Variants in INSL6 observed in about 807,000 individuals in gnomAD.
INSL6 encodes the protein insulin-like peptide INSL6.
INSL6 carries 16 observed loss-of-function variants against 9.4 expected under a neutral mutation model. That is an observed-to-expected ratio of 1.70 (90% CI 1.15 to 2.59). INSL6 has a LOEUF of 2.59. Ranked by LOEUF, INSL6 falls within the 30% of genes most tolerant of loss-of-function variation. The probability of loss-of-function intolerance (pLI) is 0.00; values close to 1 mark genes in which losing one functional copy is unlikely to be tolerated. For missense variants in INSL6, 391 were observed against 257.3 expected (o/e 1.52, Z -3.56); for synonymous variants, 154 against 96.9 (o/e 1.59, Z -3.46).
the INSL6 span, chr9:5,097,529 T>G: frequency 6.6e-6 from 1 of 152,282 alleles, no homozygotes; most frequent in Non-Finnish European, 1.5e-5. Context: ...GCACACCATA[T>G]ATTTACAGTA....
the INSL6 span, among the ~76,000 whole-genome samples, chr9:5,093,900 T>A: frequency 6.6e-6 from 1 of 152,162 alleles, no homozygotes; most frequent in African/African-American, 2.4e-5. Context: ...GGTTTCTATC[T>A]GTTTAACATT....
the INSL6 span, among the ~76,000 whole-genome samples, chr9:5,009,178 T>C: frequency 2.0e-5 from 3 of 152,182 alleles, no homozygotes; most frequent in African/African-American, 7.2e-5. Flanking sequence ...ATGAGCAAAT[T>C]GGGTGGTCCG....
At chr9:5,152,544 A>T (rs920433202) in intron 2 of INSL6, among the ~76,000 whole-genome samples, 1 of 152,224 alleles carries the variant, frequency 6.6e-6, no homozygotes, top group Non-Finnish European at 1.5e-5. Flanking sequence ...CTGTGAGTAC[A>T]GTGAAATTTA....
chr9:5,111,568 C>G, the INSL6 span: 1 of 364,544 alleles, frequency 2.7e-6, no homozygotes, highest in Admixed American at 3.7e-5. Context: ...CAGATGGCAG[C>G]CTGCACCCCT....
chr9:5,044,425 T>C, the INSL6 span: 1 of 1,611,966 alleles, frequency 6.2e-7, no homozygotes, highest in Non-Finnish European at 8.5e-7. Flanking sequence ...TCGTTGGTAT[T>C]GCAGTGGCAG....
the INSL6 span, among the ~76,000 whole-genome samples, chr9:5,019,957 C>G: frequency 3.3e-5 from 5 of 152,128 alleles, no homozygotes; most frequent in African/African-American, 4.8e-5. Flanking sequence ...TACATTAGCC[C>G]CAGGGTGGCT....
the INSL6 span, among the ~76,000 whole-genome samples, chr9:5,117,005 T>A: frequency 6.6e-6 from 1 of 152,226 alleles, no homozygotes; most frequent in Non-Finnish European, 1.5e-5. Context: ...ATGAATGGGA[T>A]TAAGGCCCTT....
the INSL6 span, among the ~76,000 whole-genome samples, chr9:5,015,017 A>T: frequency 1.3e-3 from 202 of 152,266 alleles, 1 homozygote; most frequent in African/African-American, 4.0e-3. Flanking sequence ...TGAAATTTAG[A>T]AAAACGGTAT....
chr9:5,109,733 T>A, the INSL6 span: 1 of 152,286 alleles, frequency 6.6e-6, no homozygotes, highest in East Asian at 1.9e-4. Context: ...TTAGACTACT[T>A]CTCCATAATA....
the INSL6 span, among the ~76,000 whole-genome samples, chr9:5,047,403 C>T: frequency 6.6e-6 from 1 of 152,174 alleles, no homozygotes; most frequent in African/African-American, 2.4e-5. Flanking sequence ...CTTTTAAATT[C>T]AGTTTCCTCT....
intron 2 of INSL6, among the ~76,000 whole-genome samples, chr9:5,137,311 A>T (rs1824404168): frequency 6.6e-6 from 1 of 152,220 alleles, no homozygotes; most frequent in South Asian, 2.1e-4. Context: ...CTGCATAGCC[A>T]AGACAATCCT....
At chr9:5,162,191 C>G (rs954619232), downstream of INSL6, among the ~76,000 whole-genome samples, 2 of 151,942 alleles carry the variant, frequency 1.3e-5, no homozygotes, top group Non-Finnish European at 2.9e-5. Flanking sequence ...AACATGGAGC[C>G]TCAATATGTT....
At position 5,131,435 on chromosome 9, in the gene INSL6, A is replaced by ATTTTTTTTTTTTTTTTTTTT. The variant is rs550915336; in HGVS notation, c.*10+1989_*10+1990insAAAAAAAAAAAAAAAAAAAA. On this transcript the variant is annotated intron_variant, in intron 3 of 3. Coordinates refer to the INSL6 transcript ENST00000649639. The stretch of plus-strand genomic sequence containing the variant: ...AATTCTTTAACACCACCAGTTAACA[A>ATTTTTTTTTTTTTTTTTTTT]TTTTTTTTTTTTTTTTTTTGAGACA... Among the ~76,000 whole-genome samples the ATTTTTTTTTTTTTTTTTTTT allele has an allele frequency of 6.0e-5, 7 of 115,832 alleles. 3 individuals are homozygous for ATTTTTTTTTTTTTTTTTTTT. The highest frequency in any genetic ancestry group is 2.8e-4 in the African/African-American group (7 of 24,954). The allele number at this position is 115,832 out of a possible 152,430, so 76.0% of individuals were successfully genotyped here.
chr9:5,138,245 G>A (rs762128174), intron 2 of INSL6, among the ~76,000 whole-genome samples: 5 of 152,144 alleles, frequency 3.3e-5, no homozygotes, highest in Non-Finnish European at 7.4e-5. Context: ...TATACCCAAA[G>A]GATTATAAAT....
the INSL6 span, among the ~76,000 whole-genome samples, chr9:5,013,328 CATAGT>C: frequency 2.0e-5 from 3 of 152,168 alleles, no homozygotes; most frequent in Non-Finnish European, 4.4e-5. Context: ...GTAGGAAAAA[CATAGT>C]ATATCTACTT....
At position 5,150,639 on chromosome 9, in the gene INSL6, C is replaced by T. The variant is rs189838157; in HGVS notation, c.376+13540G>A. On this transcript the variant is annotated intron_variant, in intron 2 of 3. Coordinates refer to the INSL6 transcript ENST00000649639. ...TATTTTGGAATGTAAGTTAGTACAA[C>T]CTCTATGTAAAATAGTATGAAGACT... Among the ~76,000 whole-genome samples the T allele has an allele frequency of 1.9e-3, 289 of 152,206 alleles. 1 individual carries two copies. Among genetic ancestry groups the T allele is most frequent in the African/African-American group, 6.2e-3 (257 of 41,548 alleles).
the INSL6 span, among the ~76,000 whole-genome samples, chr9:4,992,204 C>T: frequency 6.6e-6 from 1 of 152,164 alleles, no homozygotes; most frequent in Non-Finnish European, 1.5e-5. Flanking sequence ...GGGATGTTAG[C>T]TGGGCTGTTA....
intron 2 of INSL6, among the ~76,000 whole-genome samples, chr9:5,153,991 C>T (rs1824766100): frequency 6.6e-6 from 1 of 152,134 alleles, no homozygotes; most frequent in African/African-American, 2.4e-5. Context: ...TCATGTGGAA[C>T]CAAAAAAGAG....
the INSL6 span, among the ~76,000 whole-genome samples, chr9:5,103,564 T>C: frequency 1.3e-5 from 2 of 152,094 alleles, no homozygotes; most frequent in Admixed American, 6.6e-5. Context: ...CTCTGCACCA[T>C]GTGAACCTAA....
Sources: allele counts gnomAD v4.1 joint callset (sites outside exome capture counted in the v4.1 genomes callset), GRCh38; gene constraint gnomAD v4.1.1; transcripts MANE v1.5; gene names NCBI Gene and HGNC (gene_info 2026-07-23, HGNC 2026-07-21).